Variants in ATP13A4 observed in about 807,000 individuals in gnomAD.
The protein encoded by ATP13A4 is probable cation-transporting ATPase 13A4.
A neutral mutation model predicts 142.5 loss-of-function variants in ATP13A4; 114 were observed. The ratio of observed to expected loss-of-function variants is 0.80; its 90% CI spans 0.69 to 0.93. The LOEUF is 0.93. ATP13A4 is among the 40% of genes least tolerant of loss of function. The pLI is 0.00. For synonymous variants in ATP13A4, 488 were observed against 514.8 expected, an observed-to-expected ratio of 0.95 and a Z score of 0.70; for missense variants, 1,392 against 1,454.0, an observed-to-expected ratio of 0.96 and a Z score of 0.69.
At chr3:193,414,523 A>C in intron 26 of ATP13A4, 56 bp downstream of exon 26, 1 of 1,596,626 alleles carries the variant, frequency 6.3e-7, no homozygotes, top group Non-Finnish European at 8.6e-7. Flanking sequence ...TATTGGCCAG[A>C]GGATGTTTGA....
intron 25 of ATP13A4, 120 bp downstream of exon 25, chr3:193,433,724 TA>T: frequency 1.3e-6 from 1 of 745,430 alleles, no homozygotes; most frequent in Admixed American, 2.1e-5. Context: ...TATTTGGGAA[TA>T]AATTCCAGAT....
At chr3:193,486,075 T>G (rs1189894431) in intron 7 of ATP13A4, among the ~76,000 whole-genome samples, 2 of 149,776 alleles carry the variant, frequency 1.3e-5, no homozygotes, top group Non-Finnish European at 3.0e-5. Context: ...AAATATGTTA[T>G]TATTATTTTA....
chr3:193,476,816 T>G (rs956505703), intron 8 of ATP13A4, among the ~76,000 whole-genome samples: 1 of 152,042 alleles, frequency 6.6e-6, no homozygotes, highest in Non-Finnish European at 1.5e-5. Context: ...GGTGAACATC[T>G]GACACCGATT....
chr3:193,444,798 G>A (rs530799446), intron 18 of ATP13A4, among the ~76,000 whole-genome samples: 1 of 152,160 alleles, frequency 6.6e-6, no homozygotes, highest in Admixed American at 6.5e-5. Flanking sequence ...CTTCTCCCAG[G>A]TTTCTACCAA....
intron 2 of ATP13A4, among the ~76,000 whole-genome samples, chr3:193,580,548 T>A (rs1724517185): frequency 6.6e-6 from 1 of 152,178 alleles, no homozygotes; most frequent in Non-Finnish European, 1.5e-5. Context: ...TACGTACTAC[T>A]AAGAAGAATC....
At chr3:193,573,750 T>C (rs1482677381) in intron 2 of ATP13A4, among the ~76,000 whole-genome samples, 2 of 152,240 alleles carry the variant, frequency 1.3e-5, no homozygotes, top group African/African-American at 4.8e-5. Context: ...CCAGCTCTTA[T>C]ATCATTCATT....
At chr3:193,403,224 A>G (rs1714336136) in intron 29 of ATP13A4, among the ~76,000 whole-genome samples, 2 of 152,238 alleles carry the variant, frequency 1.3e-5, no homozygotes, top group African/African-American at 4.8e-5. Context: ...TGTTTAATAT[A>G]AAATGACATT....
chr3:193,485,009 A>G (rs1719519877), intron 7 of ATP13A4, among the ~76,000 whole-genome samples: 1 of 152,172 alleles, frequency 6.6e-6, no homozygotes, highest in East Asian at 1.9e-4. Context: ...GTAAGGGCAA[A>G]TCATGAAGAT....
At chr3:193,404,019 CTG>C (rs2108598314) in intron 29 of ATP13A4, 1 of 985,434 alleles carries the variant, frequency 1.0e-6, no homozygotes, top group South Asian at 4.7e-5. Flanking sequence ...CCTGTGATAA[CTG>C]ACCATCTGCT....
At chr3:193,486,712 G>GGATTTGATATCTGGATTTGA (rs1719643434) in intron 7 of ATP13A4, among the ~76,000 whole-genome samples, 1 of 151,910 alleles carries the variant, frequency 6.6e-6, no homozygotes, top group African/African-American at 2.4e-5. Flanking sequence ...CTGAAAAGAG[G>GGATTTGATATCTGGATTTGA]TATCTGGATT....
intron 29 of ATP13A4, among the ~76,000 whole-genome samples, chr3:193,405,344 T>C (rs1212765055): frequency 6.6e-6 from 1 of 152,212 alleles, no homozygotes; most frequent in East Asian, 1.9e-4. Context: ...ACTTTTGACA[T>C]GGATCCACTT....
rs1723534913 is a variant in ATP13A4 at position 193,551,099 on chromosome 3, C to A, written c.60+3641G>T. On this transcript the variant is annotated intron_variant, in intron 1 of 29. Transcript: ENST00000342695. ...CAGCTCCTCTCCATTTATAAGTGGT[C>A]TCTACGGCCTATGAATAAAAGTACA... Among the ~76,000 whole-genome samples, 3 of 152,146 alleles carry A rather than the reference C, an allele frequency of 2.0e-5. 1 individual carries two copies. The highest frequency in any genetic ancestry group is 2.9e-5 in the Non-Finnish European group (2 of 68,014).
At chr3:193,426,511 C>T (rs1178714286) in intron 25 of ATP13A4, among the ~76,000 whole-genome samples, 1 of 151,738 alleles carries the variant, frequency 6.6e-6, no homozygotes, top group Non-Finnish European at 1.5e-5. Flanking sequence ...TGGAGTCAGT[C>T]CTCAGATTTA....
intron 1 of ATP13A4, among the ~76,000 whole-genome samples, chr3:193,525,595 A>G (rs1721955153): frequency 6.6e-6 from 1 of 152,142 alleles, no homozygotes. Flanking sequence ...CCTCCAATAA[A>G]GCAAACTCTA....
intron 16 of ATP13A4, 43 bp from the exon 17 acceptor site, chr3:193,454,255 TA>T: frequency 1.4e-6 from 2 of 1,426,314 alleles, no homozygotes; most frequent in Non-Finnish European, 2.0e-6. Context: ...GTTATTTGCT[TA>T]GGCAGTACTG....
At chr3:193,523,633 C>T (rs1474057443) in intron 1 of ATP13A4, among the ~76,000 whole-genome samples, 3 of 152,190 alleles carry the variant, frequency 2.0e-5, no homozygotes, top group African/African-American at 7.2e-5. Context: ...GACAAAAGCT[C>T]CGGTGCTAGA....
intron 2 of ATP13A4, among the ~76,000 whole-genome samples, chr3:193,571,597 G>A (rs1232082506): frequency 6.6e-6 from 1 of 152,102 alleles, no homozygotes; most frequent in African/African-American, 2.4e-5. Context: ...TGATAAGCAT[G>A]GCACTTTACC....
chr3:193,493,853 C>A (rs1255395145), intron 3 of ATP13A4, among the ~76,000 whole-genome samples: 1 of 151,948 alleles, frequency 6.6e-6, no homozygotes, highest in Non-Finnish European at 1.5e-5. Flanking sequence ...AGTCATTTTC[C>A]TTTCTAACAT....
chr3:193,476,779 G>A (rs1000708931), intron 8 of ATP13A4, among the ~76,000 whole-genome samples: 1 of 152,024 alleles, frequency 6.6e-6, no homozygotes, highest in Non-Finnish European at 1.5e-5. Flanking sequence ...TGAGGAAAGA[G>A]AGAGAGAGAG....
Sources: allele counts gnomAD v4.1 joint callset (sites outside exome capture counted in the v4.1 genomes callset), GRCh38; gene constraint gnomAD v4.1.1; transcripts MANE v1.5; gene names NCBI Gene and HGNC (gene_info 2026-07-23, HGNC 2026-07-21).